The following EFNB2 variants were observed in gnomAD, a reference collection of about 807,000 sequenced individuals.
EFNB2 encodes ephrin B2.
In EFNB2, 5 loss-of-function variants were observed where a neutral mutation model predicts 32.1. That is an observed-to-expected ratio of 0.16 (90% CI 0.08 to 0.33). The LOEUF (loss-of-function observed/expected upper bound fraction) is 0.33, where lower values mean the gene tolerates loss of function less well. Ranked by LOEUF, EFNB2 falls within the 10% of genes least tolerant of loss-of-function variation. The pLI is 1.00. For missense variants in EFNB2, 263 were observed against 422.6 expected, an observed-to-expected ratio of 0.62 and a Z score of 3.31; for synonymous variants, 168 against 166.5, an observed-to-expected ratio of 1.01 and a Z score of -0.07.
rs1181689918 is a variant in EFNB2 at position 106,489,894 on chromosome 13, A to C, written c.*3146T>G. The C allele has an allele frequency of 6.6e-6, 1 of 152,650 alleles. No individual in the cohort carries two copies. Among genetic ancestry groups the C allele is most frequent in the Non-Finnish European group, 1.5e-5 (1 of 68,038 alleles). The allele number at this position is 152,650 out of a possible 1,614,324, so 9.5% of individuals were successfully genotyped here. On this transcript the variant is annotated 3_prime_UTR_variant, in exon 5 of 5. Transcript: ENST00000646441. The stretch of plus-strand genomic sequence containing the variant: ...AAAACCTATGACAGGCTATTAAAAT[A>C]AAACAAAGAAAGAAAAAAATATTTA...
At chr13:106,532,079 C>CAAAAAAAAAAAAAA (rs1404488142) in intron 1 of EFNB2, among the ~76,000 whole-genome samples, 1 of 41,838 alleles carries the variant, frequency 2.4e-5, no homozygotes, top group African/African-American at 6.3e-5. Flanking sequence ...AAAAAAAAAC[C>CAAAAAAAAAAAAAA]AAAACTTTAA....
At chr13:106,497,630 GGC>G (rs1878635631) in intron 2 of EFNB2, among the ~76,000 whole-genome samples, 1 of 151,994 alleles carries the variant, frequency 6.6e-6, no homozygotes, top group Non-Finnish European at 1.5e-5. Flanking sequence ...CATGTTGGTG[GGC>G]TGCGCCTGTT....
At chr13:106,498,064 G>C (rs189850796) in intron 2 of EFNB2, among the ~76,000 whole-genome samples, 1 of 152,140 alleles carries the variant, frequency 6.6e-6, no homozygotes, top group South Asian at 2.1e-4. Context: ...ACGCAAAAGT[G>C]CACTCAAACT....
intron 2 of EFNB2, among the ~76,000 whole-genome samples, chr13:106,499,495 G>T (rs1039308511): frequency 6.6e-6 from 1 of 152,084 alleles, no homozygotes; most frequent in African/African-American, 2.4e-5. Context: ...TTGTTCATTT[G>T]AATGTACTGG....
At chr13:106,503,091 T>A (rs73586178) in intron 2 of EFNB2, among the ~76,000 whole-genome samples, 2 of 152,224 alleles carry the variant, frequency 1.3e-5, no homozygotes, top group Non-Finnish European at 2.9e-5. Flanking sequence ...TGGAGTTGTT[T>A]ATTTTATTTC....
chr13:106,506,237 C>G (rs541939431), intron 2 of EFNB2: 1 of 152,282 alleles, frequency 6.6e-6, no homozygotes, highest in East Asian at 1.9e-4. Context: ...TAACGCAACC[C>G]TGACACATTT....
At chr13:106,532,192 C>T (rs542455791) in intron 1 of EFNB2, among the ~76,000 whole-genome samples, 1 of 152,226 alleles carries the variant, frequency 6.6e-6, no homozygotes, top group Admixed American at 6.5e-5. Flanking sequence ...GGACATCTTT[C>T]CATTATTACA....
At chr13:106,499,028 G>A (rs1566455520) in intron 2 of EFNB2, among the ~76,000 whole-genome samples, 1 of 152,130 alleles carries the variant, frequency 6.6e-6, no homozygotes, top group Non-Finnish European at 1.5e-5. Flanking sequence ...CCATGAGTTA[G>A]AAATGATCTA....
intron 2 of EFNB2, among the ~76,000 whole-genome samples, chr13:106,501,109 G>A (rs1878763193): frequency 6.6e-6 from 1 of 152,156 alleles, no homozygotes; most frequent in South Asian, 2.1e-4. Flanking sequence ...ATGTACTCTA[G>A]AAACAAGAAT....
chr13:106,520,201 C>T (rs776375425), intron 1 of EFNB2: 3 of 152,138 alleles, frequency 2.0e-5, no homozygotes, highest in South Asian at 2.1e-4. Flanking sequence ...AAGTATACTT[C>T]GAATTTACCC....
Position 106,535,013 on chromosome 13 carries a change from CG to C in EFNB2, c.-50del. The C allele has an allele frequency of 6.2e-7, 1 of 1,605,508 alleles. No individual in the cohort carries two copies. Among genetic ancestry groups the C allele is most frequent in the Non-Finnish European group, 8.5e-7 (1 of 1,176,098 alleles). Reference sequence around the variant, plus strand: ...GCACTCCGGGCCAAGAAGGGACTGACGGGACGCAGGCTGGGACCCCCAATCC... The same window carrying C: ...GCACTCCGGGCCAAGAAGGGACTGACGGACGCAGGCTGGGACCCCCAATCC... On this transcript the variant is annotated 5_prime_UTR_variant, in exon 1 of 5. Coordinates refer to ENST00000646441, the MANE Select transcript of EFNB2 (RefSeq NM_004093.4).
chr13:106,522,663 T>C (rs1009709497), intron 1 of EFNB2, among the ~76,000 whole-genome samples: 1 of 150,924 alleles, frequency 6.6e-6, no homozygotes, highest in Non-Finnish European at 1.5e-5. Flanking sequence ...CCTCTGCCCA[T>C]CCCTTTCCTT....
chr13:106,521,268 T>C (rs546796886), intron 1 of EFNB2: 4 of 152,230 alleles, frequency 2.6e-5, no homozygotes, highest in Admixed American at 2.6e-4. Context: ...ACAAGCAAAA[T>C]CTTTTCAAGA....
intron 1 of EFNB2, among the ~76,000 whole-genome samples, chr13:106,533,934 A>G (rs1024846397): frequency 1.3e-5 from 2 of 151,998 alleles, no homozygotes; most frequent in Non-Finnish European, 2.9e-5. Context: ...TTCTGAATGC[A>G]CTCTGGTGGC....
intron 2 of EFNB2, among the ~76,000 whole-genome samples, chr13:106,508,806 G>C (rs1462746555): frequency 6.6e-6 from 1 of 152,192 alleles, no homozygotes; most frequent in African/African-American, 2.4e-5. Context: ...GAATGAATGA[G>C]GATGCATATC....
intron 1 of EFNB2, among the ~76,000 whole-genome samples, chr13:106,527,116 C>T (rs994699549): frequency 2.6e-5 from 4 of 151,946 alleles, no homozygotes; most frequent in Non-Finnish European, 4.4e-5. Flanking sequence ...TGGGGTGATA[C>T]GAGAGTGGTG....
intron 2 of EFNB2, among the ~76,000 whole-genome samples, chr13:106,500,352 G>C (rs191848251): frequency 6.6e-6 from 1 of 152,188 alleles, no homozygotes; most frequent in African/African-American, 2.4e-5. Context: ...GATGTGAAAC[G>C]GGGAAGCACA....
chr13:106,512,395 G>GGA (rs1566459235), intron 2 of EFNB2, 134 bp downstream of exon 2: 1 of 573,250 alleles, frequency 1.7e-6, no homozygotes, highest in East Asian at 3.7e-5. Flanking sequence ...AAAAAAAAGG[G>GGA]GGGGGGGACA....
Position 106,492,337 on chromosome 13 carries a change from CCTT to C in EFNB2, c.*700_*702del, listed in dbSNP as rs1001894915. On this transcript the variant is annotated 3_prime_UTR_variant, in exon 5 of 5. Transcript: ENST00000646441. This position sits in a 1 kb window ranked among gnomAD's most constrained non-coding sequence, Gnocchi z 5.1. ...CCCACTCCCTTCTATGAACTCCTAG[CCTT>C]CTTCGCAGACAGCCTAGCATCTGGC... 1.3e-5 allele frequency: 2 copies of C among 152,438 alleles called. No homozygotes were observed. Among genetic ancestry groups the C allele is most frequent in the African/African-American group, 4.8e-5 (2 of 41,568 alleles). 9.4% of individuals were successfully genotyped at this position (152,438 alleles called of 1,614,324 possible).
Sources: gnomAD v4.1 joint callset for allele counts (sites outside exome capture counted in the v4.1 genomes callset) on GRCh38, gnomAD v4.1.1 for gene constraint, Gnocchi (gnomAD v3.1) non-coding constraint, MANE v1.5 for transcripts, NCBI Gene and HGNC (gene_info 2026-07-23, HGNC 2026-07-21) for gene names.